SLC75A1: variants seen among roughly 807,000 people sequenced by gnomAD.
SLC75A1 encodes the protein solute carrier family 75 member 1, also known as major facilitator superfamily domain containing 10.
chr4:2,931,306 GCCCAGGGGAGGGTGCATCA>G, the SLC75A1 span: 1 of 1,548,366 alleles, frequency 6.5e-7, no homozygotes. Flanking sequence ...GTGCCCGTCA[GCCCAGGGGAGGGTGCATCA>G]CCCAGCCCCT....
the SLC75A1 span, chr4:2,932,778 A>G: frequency 6.5e-7 from 1 of 1,542,072 alleles, no homozygotes; most frequent in Non-Finnish European, 8.7e-7. Flanking sequence ...GGCAGGGGCC[A>G]AGAGGCAGGG....
At chr4:2,933,800 G>T in the SLC75A1 span, 537 of 1,592,214 alleles carry the variant, frequency 3.4e-4, no homozygotes, top group Non-Finnish European at 4.5e-4. Flanking sequence ...AGGGGCAGCA[G>T]CAGCGTGAAG....
the SLC75A1 span, chr4:2,931,177 C>T: frequency 1.3e-6 from 2 of 1,556,984 alleles, no homozygotes; most frequent in Non-Finnish European, 1.7e-6. Context: ...AGTCAGGCAC[C>T]ACTGCCCTTC....
the SLC75A1 span, chr4:2,932,166 C>T: frequency 6.3e-7 from 1 of 1,596,464 alleles, no homozygotes; most frequent in South Asian, 1.1e-5. Flanking sequence ...GTGGGGATGG[C>T]ATTGGAGAGC....
At chr4:2,931,140 C>T in the SLC75A1 span, 1 of 1,566,058 alleles carries the variant, frequency 6.4e-7, no homozygotes, top group Admixed American at 1.9e-5. Flanking sequence ...TGCCCTTCTG[C>T]CCTGGTGAGC....
chr4:2,933,661 G>A, the SLC75A1 span: 87 of 1,613,612 alleles, frequency 5.4e-5, no homozygotes, highest in Middle Eastern at 1.3e-3. Context: ...CATAGAGGGG[G>A]TCCTAGGGGA....
At chr4:2,934,142 T>A in the SLC75A1 span, 2 of 604,024 alleles carry the variant, frequency 3.3e-6, no homozygotes, top group African/African-American at 1.9e-5. Flanking sequence ...CTTCGGGGAT[T>A]GCACAAAAAA....
At chr4:2,933,703 G>C in the SLC75A1 span, 2 of 1,607,194 alleles carry the variant, frequency 1.2e-6, no homozygotes, top group African/African-American at 2.7e-5. Context: ...GGGGAGGTCT[G>C]ATGGGCCTGG....
At chr4:2,930,850 G>C in the SLC75A1 span, 5 of 1,613,074 alleles carry the variant, frequency 3.1e-6, no homozygotes, top group Admixed American at 3.3e-5. Context: ...ACTCAGCCTT[G>C]AGCGTCTGTG....
At chr4:2,931,024 G>T in the SLC75A1 span, 6 of 1,610,784 alleles carry the variant, frequency 3.7e-6, no homozygotes, top group Non-Finnish European at 5.1e-6. Flanking sequence ...CAGGTGCTTG[G>T]CCCCCAGCCT....
the SLC75A1 span, chr4:2,933,512 G>A: frequency 3.8e-6 from 6 of 1,577,520 alleles, no homozygotes; most frequent in African/African-American, 2.7e-5. Context: ...GCTGGACCAC[G>A]TCCACCAAAC....
chr4:2,933,056 G>A, the SLC75A1 span: 2 of 1,562,390 alleles, frequency 1.3e-6, no homozygotes. Flanking sequence ...TGGGGCTACT[G>A]GCTGGGTGGG....
the SLC75A1 span, chr4:2,933,782 CGGGCAGCAG>C: frequency 6.3e-7 from 1 of 1,595,512 alleles, no homozygotes; most frequent in Non-Finnish European, 8.5e-7. Context: ...TCCAACAGCC[CGGGCAGCAG>C]GGGCAGCAGC....
At chr4:2,934,103 C>T in the SLC75A1 span, 4 of 669,100 alleles carry the variant, frequency 6.0e-6, no homozygotes, top group Non-Finnish European at 1.0e-5. Context: ...GATGCCCCCG[C>T]CCCGAACCCA....
At chr4:2,931,881 G>A in the SLC75A1 span, 9 of 1,611,308 alleles carry the variant, frequency 5.6e-6, no homozygotes, top group East Asian at 2.2e-5. Context: ...CCAGGCCCGA[G>A]AACAGGAAGA....
the SLC75A1 span, chr4:2,932,360 C>T: frequency 8.1e-6 from 13 of 1,612,954 alleles, no homozygotes; most frequent in South Asian, 1.4e-4. Flanking sequence ...CCCGTTTCTC[C>T]AGGGGCAGCG....
chr4:2,934,100 C>T, the SLC75A1 span: 1 of 668,806 alleles, frequency 1.5e-6, no homozygotes, highest in African/African-American at 1.8e-5. Flanking sequence ...CGCGATGCCC[C>T]CGCCCCGAAC....
At chr4:2,933,840 G>C in the SLC75A1 span, 3 of 1,589,998 alleles carry the variant, frequency 1.9e-6, no homozygotes, top group African/African-American at 2.7e-5. Context: ...GGCCGAGAAA[G>C]ACAACGGTGA....
At chr4:2,931,616 G>A in the SLC75A1 span, 415 of 1,613,654 alleles carry the variant, frequency 2.6e-4, no homozygotes, top group Non-Finnish European at 3.3e-4. Context: ...ACCCTGGATG[G>A]TGGCCATGGT....
Sources: gnomAD v4.1 joint callset for allele counts on GRCh38, gnomAD v4.1.1 for gene constraint, MANE v1.5 for transcripts, NCBI Gene and HGNC (gene_info 2026-07-23, HGNC 2026-07-21) for gene names.